CDH4: variants seen among roughly 807,000 people sequenced by gnomAD.
CDH4 encodes the protein cadherin-4.
In CDH4, 33 loss-of-function variants were observed where a neutral mutation model predicts 86.0. That is an observed-to-expected ratio of 0.38 (90% CI 0.29 to 0.51). CDH4 has a LOEUF of 0.51. Ranked by LOEUF, CDH4 falls within the 20% of genes least tolerant of loss-of-function variation. The pLI, the probability that CDH4 is intolerant of heterozygous loss-of-function variation, is 0.86. For synonymous variants in CDH4, 555 were observed against 549.4 expected, an observed-to-expected ratio of 1.01 and a Z score of -0.14; for missense variants, 1,114 against 1,307.4, an observed-to-expected ratio of 0.85 and a Z score of 2.28.
At chr20:61,768,413 G>A (rs1044685235) in intron 3 of CDH4, among the ~76,000 whole-genome samples, 2 of 152,160 alleles carry the variant, frequency 1.3e-5, no homozygotes, top group Non-Finnish European at 2.9e-5. Context: ...GTATACACAT[G>A]TGCGCATGTG....
Position 61,379,485 on chromosome 20 carries a change from G to A in CDH4, c.169+124548G>A, listed in dbSNP as rs545042916. On this transcript the variant is annotated intron_variant, in intron 2 of 15. Coordinates refer to ENST00000614565, the MANE Select transcript of CDH4 (RefSeq NM_001794.5). ...TTAATCCAACATCCGAATCTGTGTA[G>A]GGAAGTCCTGAAGGTCATTAAGAAA... Among the ~76,000 whole-genome samples, 15 of 152,230 alleles carry A rather than the reference G, an allele frequency of 9.9e-5. No homozygotes were observed. The East Asian group carries it at 2.9e-3, about 29-fold the overall frequency.
chr20:61,432,932 G>A (rs760828539), intron 2 of CDH4, among the ~76,000 whole-genome samples: 2 of 147,866 alleles, frequency 1.4e-5, no homozygotes, highest in Admixed American at 6.9e-5. Flanking sequence ...TCTGCCTCCC[G>A]GGTTCCAGCA....
intron 6 of CDH4, among the ~76,000 whole-genome samples, chr20:61,855,132 G>T (rs1982942782): frequency 7.1e-6 from 1 of 141,242 alleles, no homozygotes; most frequent in Non-Finnish European, 1.5e-5. Flanking sequence ...TGTGAACAGG[G>T]TGAATTGTGC....
At chr20:61,588,377 G>A (rs530317743) in intron 2 of CDH4, among the ~76,000 whole-genome samples, 2 of 152,334 alleles carry the variant, frequency 1.3e-5, no homozygotes, top group South Asian at 2.1e-4. Context: ...TGGGCACAGC[G>A]GGAGAGAGGC....
At chr20:61,903,016 CAAAAAAAAAAAA>C (rs58490650) in intron 8 of CDH4, among the ~76,000 whole-genome samples, 1 of 83,104 alleles carries the variant, frequency 1.2e-5, no homozygotes, top group African/African-American at 4.4e-5. Context: ...AAGACTGTCT[CAAAAAAAAAAAA>C]AAAAAAAAAA....
At position 61,406,351 on chromosome 20, in the gene CDH4, G is replaced by T. The variant is rs1225945514; in HGVS notation, c.169+151414G>T. 6.0e-4 allele frequency among the ~76,000 whole-genome samples: 74 copies of T among 123,724 alleles called. 1 individual carries two copies. The highest frequency in any genetic ancestry group is 9.8e-4 in the Non-Finnish European group (59 of 60,042). The allele number at this position is 123,724 out of a possible 152,430, so 81.2% of individuals were successfully genotyped here. A position where few individuals can be genotyped will look rare whatever the true frequency, so the allele number is the denominator to read the frequency against. On this transcript the variant is annotated intron_variant, in intron 2 of 15. Transcript: ENST00000614565. ...CTCTGCCCGGACCACCATCTGCTCT[G>T]CCTGGACCACCATCTGCCATCTGCT...
At chr20:61,360,855 C>T (rs535413709) in intron 2 of CDH4, among the ~76,000 whole-genome samples, 11 of 152,254 alleles carry the variant, frequency 7.2e-5, no homozygotes, top group African/African-American at 1.4e-4. Flanking sequence ...ACTTGTGAAC[C>T]GATAGTTTTA....
At chr20:61,483,343 A>G (rs2085578171) in intron 2 of CDH4, among the ~76,000 whole-genome samples, 1 of 152,086 alleles carries the variant, frequency 6.6e-6, no homozygotes, top group Admixed American at 6.5e-5. Flanking sequence ...TTTCTACCAA[A>G]CTTTCCTGTT....
chr20:61,930,092 G>A (rs931582994), intron 13 of CDH4, among the ~76,000 whole-genome samples: 3 of 152,186 alleles, frequency 2.0e-5, no homozygotes, highest in African/African-American at 4.8e-5. Flanking sequence ...CCCTTTCCAC[G>A]GCTCCACTCT....
chr20:61,668,723 G>A (rs988134693), intron 2 of CDH4, among the ~76,000 whole-genome samples: 1 of 152,248 alleles, frequency 6.6e-6, no homozygotes, highest in South Asian at 2.1e-4. Context: ...CTTCAGAGAA[G>A]GTTGCACTGC....
At chr20:61,332,080 C>T (rs2084584539) in intron 2 of CDH4, among the ~76,000 whole-genome samples, 1 of 152,194 alleles carries the variant, frequency 6.6e-6, no homozygotes, top group African/African-American at 2.4e-5. Flanking sequence ...TGGCTCCTGG[C>T]TGAGAACACA....
At chr20:61,264,183 G>C (rs1449830886) in intron 2 of CDH4, among the ~76,000 whole-genome samples, 1 of 152,148 alleles carries the variant, frequency 6.6e-6, no homozygotes. Context: ...GTGTGTGTGG[G>C]AGTTTCCCAC....
At chr20:61,479,964 A>G (rs974644818) in intron 2 of CDH4, among the ~76,000 whole-genome samples, 53 of 152,052 alleles carry the variant, frequency 3.5e-4, no homozygotes, top group Admixed American at 7.9e-4. Context: ...GCAGTGTCCC[A>G]TCTGCTATGA....
chr20:61,716,346 G>T (rs573937023), intron 2 of CDH4, among the ~76,000 whole-genome samples: 1 of 151,650 alleles, frequency 6.6e-6, no homozygotes, highest in Non-Finnish European at 1.5e-5. Context: ...ACCTGTAAAG[G>T]GGTGGACGCT....
intron 2 of CDH4, among the ~76,000 whole-genome samples, chr20:61,597,952 T>C (rs2086568848): frequency 6.6e-6 from 1 of 152,198 alleles, no homozygotes; most frequent in Non-Finnish European, 1.5e-5. Flanking sequence ...TTTCTCCAAG[T>C]TTTTGCTTTA....
chr20:61,582,800 T>C lies in CDH4; in HGVS notation c.170-160763T>C, dbSNP rs547826549. ...TTATTAAGGTGTAATTTACATGCCC[T>C]ACACTCCACTCATCTAAGCTGTGCA... On this transcript the variant is annotated intron_variant, in intron 2 of 15. Transcript: ENST00000614565. This position sits in a 1 kb window ranked among gnomAD's most constrained non-coding sequence, Gnocchi z 4.2. 6.6e-6 allele frequency among the ~76,000 whole-genome samples: 1 copy of C among 152,292 alleles called. No individual in the cohort carries two copies. Among genetic ancestry groups the C allele is most frequent in the Non-Finnish European group, 1.5e-5 (1 of 68,024 alleles).
intron 2 of CDH4, among the ~76,000 whole-genome samples, chr20:61,444,925 GTGTC>G (rs1413088355): frequency 3.9e-5 from 6 of 152,022 alleles, no homozygotes; most frequent in Non-Finnish European, 7.4e-5. Flanking sequence ...GTGTCTGTGT[GTGTC>G]TGTATCTATT....
rs1345417553 is a variant in CDH4, at chr20:61,676,999, A to T, written c.170-66564A>T. Among the ~76,000 whole-genome samples the T allele has an allele frequency of 6.6e-6, 1 of 152,144 alleles. No homozygotes were observed. On this transcript the variant is annotated intron_variant, in intron 2 of 15. Transcript: ENST00000614565. This position sits in a 1 kb window ranked among gnomAD's most constrained non-coding sequence, Gnocchi z 4.5. ...CTGTGGTGTGGCCCCAGCAGAGCAG[A>T]CCAGGAGGGTGCTGAGGACCAGACA... is the stretch of plus-strand genomic sequence containing the variant.
intron 2 of CDH4, among the ~76,000 whole-genome samples, chr20:61,607,551 G>A (rs1214338861): frequency 6.6e-6 from 1 of 152,204 alleles, no homozygotes; most frequent in African/African-American, 2.4e-5. Context: ...AGGCAACGAT[G>A]TAATAAGATT....
Sources: allele counts gnomAD v4.1 joint callset (sites outside exome capture counted in the v4.1 genomes callset), GRCh38; gene constraint gnomAD v4.1.1; non-coding constraint Gnocchi (gnomAD v3.1); transcripts MANE v1.5; gene names NCBI Gene and HGNC (gene_info 2026-07-23, HGNC 2026-07-21).